Variants in RS1 observed in about 807,000 individuals in gnomAD.
The protein encoded by RS1 is retinoschisin 1.
In RS1, 2 loss-of-function variants were observed where a neutral mutation model predicts 20.8. That is an observed-to-expected ratio of 0.10 (90% CI 0.04 to 0.30). RS1 has a LOEUF of 0.30. Among genes scored for constraint, RS1 ranks in the 10% least tolerant of loss-of-function variants. RS1 has a pLI of 1.00. For synonymous variants in RS1, 70 were observed against 75.8 expected, an observed-to-expected ratio of 0.92 and a Z score of 0.40; for missense variants, 151 against 189.8, an observed-to-expected ratio of 0.80 and a Z score of 1.20.
chrX:18,644,681 G>T (rs1927711473), intron 4 of RS1, 56 bp from the exon 5 acceptor site: 1 of 1,134,232 alleles, frequency 8.8e-7, no homozygotes. Flanking sequence ...TCTGCAAAAA[G>T]CCCGCAGGTG....
chrX:18,648,251 T>TC (rs900639700), intron 3 of RS1, among the ~76,000 whole-genome samples: 5 of 110,374 alleles, frequency 4.5e-5, no homozygotes, highest in African/African-American at 1.7e-4. Context: ...TTCTCCTTTT[T>TC]TTTTTCTTTT....
chrX:18,652,605 C>G (rs1341774156), intron 3 of RS1, among the ~76,000 whole-genome samples: 16 of 111,092 alleles, frequency 1.4e-4, no homozygotes, highest in Non-Finnish European at 2.5e-4. Flanking sequence ...GGAGGCAGAG[C>G]TTGCAGTGAG....
chrX:18,653,517 T>C, intron 3 of RS1: 3 of 1,211,777 alleles, frequency 2.5e-6, no homozygotes, highest in Non-Finnish European at 3.4e-6. Flanking sequence ...TGACATACCA[T>C]GAGAATGCGG....
intron 3 of RS1, among the ~76,000 whole-genome samples, chrX:18,653,997 C>A (rs1464800395): frequency 2.7e-5 from 3 of 110,069 alleles, no homozygotes; most frequent in Non-Finnish European, 5.7e-5. Flanking sequence ...AAAAAAAGAA[C>A]AAAACCCAAA....
chrX:18,657,020 T>G (rs757026800), intron 2 of RS1, among the ~76,000 whole-genome samples: 3 of 110,394 alleles, frequency 2.7e-5, no homozygotes, highest in African/African-American at 9.9e-5. Flanking sequence ...CACCCCATTA[T>G]AGTTATCTTC....
chrX:18,643,249 T>C (rs754404057), intron 5 of RS1, among the ~76,000 whole-genome samples: 5 of 112,061 alleles, frequency 4.5e-5, no homozygotes, highest in African/African-American at 1.6e-4. Context: ...CACTAGGACA[T>C]TTCATCTCCT....
intron 3 of RS1, among the ~76,000 whole-genome samples, chrX:18,651,264 T>TGAGAGAGAGA (rs1191836877): frequency 8.7e-5 from 6 of 69,012 alleles, no homozygotes; most frequent in African/African-American, 3.1e-4. Context: ...TGTGTGTGTG[T>TGAGAGAGAGA]GAGAGAGAGA....
chrX:18,663,708 A>G (rs975635643), intron 1 of RS1, among the ~76,000 whole-genome samples: 17 of 110,994 alleles, frequency 1.5e-4, no homozygotes, highest in African/African-American at 5.2e-4. Flanking sequence ...TCACACCGCA[A>G]TGTTGGGTGC....
At chrX:18,648,307 T>G (rs1218152136) in intron 3 of RS1, among the ~76,000 whole-genome samples, 1 of 110,691 alleles carries the variant, frequency 9.0e-6, no homozygotes, top group Non-Finnish European at 1.9e-5. Context: ...GGTGCTGCTA[T>G]GTCAGCCCAC....
At chrX:18,659,633 TG>T (rs1928278164) in intron 1 of RS1, among the ~76,000 whole-genome samples, 1 of 111,654 alleles carries the variant, frequency 9.0e-6, no homozygotes, top group South Asian at 3.7e-4. Context: ...TGGACACTGC[TG>T]GTTTAAAGCA....
chrX:18,666,856 A>T lies in RS1; in HGVS notation c.52+5161T>A, dbSNP rs770590371. Among the ~76,000 whole-genome samples the T allele has an allele frequency of 1.8e-4, 20 of 110,751 alleles. No homozygotes were observed. The East Asian group carries it at 5.7e-3, about 32-fold the overall frequency. On this transcript the variant is annotated intron_variant, in intron 1 of 5. Transcript: ENST00000379984. ...GGGCAACTGGGAGGATAGAGCTGCCATTTGCGGGGCGGGCGGAAGGGGAAG... is the reference window on the plus strand; with the variant it reads ...GGGCAACTGGGAGGATAGAGCTGCCTTTTGCGGGGCGGGCGGAAGGGGAAG...
At chrX:18,650,345 C>A (rs1321141719) in intron 3 of RS1, 1 of 1,093,143 alleles carries the variant, frequency 9.1e-7, no homozygotes, top group Non-Finnish European at 1.3e-6. Flanking sequence ...CAGCTGGTGT[C>A]TGGGAGCCGA....
intron 3 of RS1, chrX:18,650,327 C>A: frequency 1.1e-6 from 1 of 946,993 alleles, no homozygotes; most frequent in Non-Finnish European, 1.5e-6. Context: ...TCACTGTCAC[C>A]TTGGCTTCAG....
chrX:18,651,900 A>T (rs1038595445), intron 3 of RS1, among the ~76,000 whole-genome samples: 2 of 110,407 alleles, frequency 1.8e-5, no homozygotes, highest in Non-Finnish European at 3.8e-5. Context: ...TCAGGTCCAC[A>T]TGTGGCCTGC....
At chrX:18,669,470 A>G (rs1161190367) in intron 1 of RS1, among the ~76,000 whole-genome samples, 8 of 82,440 alleles carry the variant, frequency 9.7e-5, no homozygotes, top group African/African-American at 3.3e-4. Flanking sequence ...CAGCCTGGGC[A>G]ACAAGAGTGA....
At chrX:18,668,446 A>G (rs1909359815) in intron 1 of RS1, among the ~76,000 whole-genome samples, 2 of 112,893 alleles carry the variant, frequency 1.8e-5, no homozygotes, top group Non-Finnish European at 3.7e-5. Context: ...ATCACCAACC[A>G]TAGAGCGTTC....
chrX:18,661,473 T>G (rs1928307017), intron 1 of RS1, among the ~76,000 whole-genome samples: 1 of 111,800 alleles, frequency 8.9e-6, no homozygotes, highest in Non-Finnish European at 1.9e-5. Flanking sequence ...CGGCTTGTGT[T>G]AGTCAGCCCC....
intron 1 of RS1, among the ~76,000 whole-genome samples, chrX:18,670,472 C>G (rs1928475489): frequency 9.0e-6 from 1 of 110,574 alleles, no homozygotes; most frequent in Non-Finnish European, 1.9e-5. Flanking sequence ...GGTGATAGAC[C>G]CGCCTCAGCC....
At chrX:18,652,542 A>AC (rs749631197) in intron 3 of RS1, among the ~76,000 whole-genome samples, 1 of 111,343 alleles carries the variant, frequency 9.0e-6, no homozygotes, top group Non-Finnish European at 1.9e-5. Context: ...AGTGGTTGGC[A>AC]CCTGTAATCC....
Sources: gnomAD v4.1 joint callset for allele counts (sites outside exome capture counted in the v4.1 genomes callset) on GRCh38, gnomAD v4.1.1 for gene constraint, MANE v1.5 for transcripts, NCBI Gene and HGNC (gene_info 2026-07-23, HGNC 2026-07-21) for gene names.